Variants in ZNF536 observed in about 807,000 individuals in gnomAD.
The protein encoded by ZNF536 is zinc finger protein 536.
Under a neutral mutation model 84.5 loss-of-function variants are expected in ZNF536, and 13 were observed. That is an observed-to-expected ratio of 0.15 (90% CI 0.10 to 0.24). The LOEUF (loss-of-function observed/expected upper bound fraction) is 0.24, where lower values mean the gene tolerates loss of function less well. Ranked by LOEUF, ZNF536 falls within the 10% of genes least tolerant of loss-of-function variation. The pLI is 1.00. For missense variants in ZNF536, 1,536 were observed against 1,747.5 expected (o/e 0.88, Z 2.16); for synonymous variants, 811 against 742.5 (o/e 1.09, Z -1.50).
rs1485676026 is a variant in ZNF536, at chr19:30,568,610, C to CCCTGTCAA, written c.169+19097_169+19104dup. On this transcript the variant is annotated intron_variant, in intron 1 of 1. Transcript: ENST00000592773. ...AAAACTCAGGAGGATTTCTATGACT[C>CCCTGTCAA]CCTGTCAATGGTTTTCCAAGGCAGA... 1.6e-3 allele frequency among the ~76,000 whole-genome samples: 250 copies of CCCTGTCAA among 152,198 alleles called. 1 individual carries two copies. Among genetic ancestry groups the CCCTGTCAA allele is most frequent in the African/African-American group, 5.9e-3 (246 of 41,510 alleles).
At chr19:30,344,937 G>A (rs1021180801) in intron 2 of ZNF536, among the ~76,000 whole-genome samples, 28 of 152,284 alleles carry the variant, frequency 1.8e-4, no homozygotes, top group Non-Finnish European at 2.9e-4. Flanking sequence ...GCCTTCTGTG[G>A]GAGACACAGA....
chr19:30,596,882 C>T (rs569527319), intron 1 of ZNF536, among the ~76,000 whole-genome samples: 4 of 151,342 alleles, frequency 2.6e-5, no homozygotes, highest in Admixed American at 6.6e-5. Context: ...GTCCTTCCTG[C>T]GAAAGGAGGC....
chr19:30,270,083 A>G (rs2025742211), intron 1 of ZNF536, among the ~76,000 whole-genome samples: 1 of 152,214 alleles, frequency 6.6e-6, no homozygotes, highest in Admixed American at 6.5e-5. Flanking sequence ...AGATAGGTGC[A>G]CACACCCCCA....
chr19:30,294,567 G>GTA (rs2045941158), intron 2 of ZNF536, among the ~76,000 whole-genome samples: 1 of 151,528 alleles, frequency 6.6e-6, no homozygotes, highest in Non-Finnish European at 1.5e-5. Flanking sequence ...GTGTGTGTGT[G>GTA]TGTGTGTGTG....
chr19:30,444,486 G>A lies in ZNF536; in HGVS notation c.924G>A (p.Ala308=), dbSNP rs1391148102. The change falls in exon 2 of 5, where the codon GCG becomes GCA. Residue 308 remains alanine (A), a synonymous_variant. Transcript: ENST00000355537. The part of the protein sequence containing the change: ...KPYKCTLCDF[A]ASQEEELISH... The stretch of plus-strand genomic sequence containing the variant: ...ACAAGTGCACGTTGTGCGACTTCGC[G>A]GCTTCGCAGGAGGAGGAGCTCATCA... 9 of 1,611,302 alleles carry A rather than the reference G, an allele frequency of 5.6e-6. No homozygotes were observed. The highest frequency in any genetic ancestry group is 1.1e-5 in the South Asian group (1 of 91,046).
At chr19:30,340,036 G>A (rs765568615) in intron 2 of ZNF536, among the ~76,000 whole-genome samples, 11 of 152,214 alleles carry the variant, frequency 7.2e-5, no homozygotes, top group African/African-American at 1.4e-4. Context: ...TCCTGGGCCC[G>A]GGCAGGCCGC....
chr19:30,401,424 G>T (rs1263610407), intron 1 of ZNF536, among the ~76,000 whole-genome samples: 1 of 152,200 alleles, frequency 6.6e-6, no homozygotes, highest in Admixed American at 6.5e-5. Flanking sequence ...CCTCCACCAA[G>T]AATGGATGTG....
At chr19:30,329,826 G>T (rs539189186) in intron 2 of ZNF536, among the ~76,000 whole-genome samples, 1 of 152,054 alleles carries the variant, frequency 6.6e-6, no homozygotes, top group African/African-American at 2.4e-5. Context: ...TAACTTACTG[G>T]GTCTACACTT....
chr19:30,468,584 G>A (rs916523135), intron 2 of ZNF536, among the ~76,000 whole-genome samples: 21 of 152,156 alleles, frequency 1.4e-4, no homozygotes, highest in African/African-American at 4.8e-4. Context: ...GATGTCACTT[G>A]GTGGTATGGA....
chr19:30,667,409 T>C (rs1207546835), intron 1 of ZNF536, among the ~76,000 whole-genome samples: 1 of 152,136 alleles, frequency 6.6e-6, no homozygotes, highest in Non-Finnish European at 1.5e-5. Flanking sequence ...CCTCCCACGC[T>C]ATCAGCCTCT....
chr19:30,517,463 C>G (rs74988968), intron 2 of ZNF536, among the ~76,000 whole-genome samples: 7,028 of 152,192 alleles, frequency 0.046, 465 homozygotes, highest in African/African-American at 0.15. Flanking sequence ...CCCAGCCCAT[C>G]AACCCTTGCT....
chr19:30,682,965 C>T (rs562992520), intron 1 of ZNF536, among the ~76,000 whole-genome samples: 5 of 152,338 alleles, frequency 3.3e-5, no homozygotes, highest in Admixed American at 1.3e-4. Flanking sequence ...TAGGGCAATG[C>T]GAGCTATGAT....
intron 2 of ZNF536, among the ~76,000 whole-genome samples, chr19:30,488,910 T>C (rs2145050175): frequency 6.6e-6 from 1 of 152,366 alleles, no homozygotes; most frequent in Non-Finnish European, 1.5e-5. Context: ...TTATTGTTCC[T>C]CATTTTGTGC....
intron 2 of ZNF536, among the ~76,000 whole-genome samples, chr19:30,483,297 C>T (rs1006336525): frequency 8.5e-5 from 13 of 152,186 alleles, no homozygotes; most frequent in African/African-American, 1.2e-4. Flanking sequence ...GCTGGCCTCC[C>T]GGAAAACATG....
intron 1 of ZNF536, among the ~76,000 whole-genome samples, chr19:30,566,442 A>G (rs10424191): frequency 0.34 from 52,488 of 152,204 alleles, 9,067 homozygotes; most frequent in East Asian, 0.42. Context: ...AGATGAGAGT[A>G]CAAATTAGCT....
intron 1 of ZNF536, among the ~76,000 whole-genome samples, chr19:30,270,996 G>T (rs1599983941): frequency 6.6e-6 from 1 of 152,056 alleles, no homozygotes; most frequent in Non-Finnish European, 1.5e-5. Flanking sequence ...GTTACCTGTG[G>T]GCAGAAGAGA....
Position 30,548,374 on chromosome 19 carries a change from C to A in ZNF536, c.2755C>A (p.Gln919Lys), listed in dbSNP as rs199947192. Residue 919 changes from glutamine to lysine, a missense_variant, in exon 4 of 5, where the codon CAA (glutamine) becomes AAA (lysine). This residue lies in a region of ZNF536 where 624 missense variants were observed against 603.1 expected (regional missense o/e 1.03). Coordinates refer to ENST00000355537, the MANE Select transcript of ZNF536 (RefSeq NM_014717.3). ...SNGVNFQGSL[Q>K]AFMDSFVLSS... Reference sequence around the variant, plus strand: ...CGGTGTGAATTTCCAAGGGTCCTTGCAAGCTTTCATGGACAGTTTTGTCCT... The same window carrying A: ...CGGTGTGAATTTCCAAGGGTCCTTGAAAGCTTTCATGGACAGTTTTGTCCT... 1.1e-5 allele frequency: 18 copies of A among 1,614,002 alleles called. No individual in the cohort carries two copies. The highest frequency in any genetic ancestry group is 5.0e-5 in the Admixed American group (3 of 60,002).
At chr19:30,301,703 T>C (rs538353826) in intron 2 of ZNF536, among the ~76,000 whole-genome samples, 1 of 152,316 alleles carries the variant, frequency 6.6e-6, no homozygotes, top group East Asian at 1.9e-4. Context: ...TAGAGAAATA[T>C]GTGAGCTATT....
chr19:30,452,417 C>A (rs1350014761), intron 2 of ZNF536, among the ~76,000 whole-genome samples: 1 of 152,216 alleles, frequency 6.6e-6, no homozygotes, highest in African/African-American at 2.4e-5. Context: ...AGTGCATTTC[C>A]CACGTCTGCC....
Sources: gnomAD v4.1 joint callset for allele counts (sites outside exome capture counted in the v4.1 genomes callset) on GRCh38, gnomAD v4.1.1 for gene constraint, gnomAD v4.1.1 regional missense constraint, MANE v1.5 for transcripts, NCBI Gene and HGNC (gene_info 2026-07-23, HGNC 2026-07-21) for gene names.